The following PMS2 variants were observed in gnomAD, a reference collection of about 807,000 sequenced individuals.
The protein encoded by PMS2 is mismatch repair endonuclease PMS2.
PMS2 carries 69 observed loss-of-function variants against 90.0 expected under a neutral mutation model. The observed-to-expected ratio is 0.77, with a 90% CI of 0.63 to 0.94. PMS2 has a LOEUF of 0.94. Ranked by LOEUF, PMS2 falls within the 40% of genes least tolerant of loss-of-function variation. The pLI, the probability that PMS2 is intolerant of heterozygous loss-of-function variation, is 0.00. For missense variants in PMS2, 966 were observed against 1,040.2 expected, an observed-to-expected ratio of 0.93 and a Z score of 0.98; for synonymous variants, 332 against 375.1, an observed-to-expected ratio of 0.89 and a Z score of 1.33.
Position 5,973,228 on chromosome 7 carries a change from G to A in PMS2, c.*171C>T, listed in dbSNP as rs1467112353. The A allele has an allele frequency of 1.4e-5, 8 of 561,214 alleles. No individual in the cohort carries two copies. Among genetic ancestry groups the A allele is most frequent in the Non-Finnish European group, 2.6e-5 (8 of 307,876 alleles). The allele number at this position is 561,214 out of a possible 1,614,324, so 34.8% of individuals were successfully genotyped here. A position where few individuals can be genotyped will look rare whatever the true frequency, so the allele number is the denominator to read the frequency against. Reference sequence around the variant, plus strand: ...AAACATAGAGAAAAAAAATTTGCAAGCAATGCTCCATCTGGTTTGAAAAGG... The same window carrying A: ...AAACATAGAGAAAAAAAATTTGCAAACAATGCTCCATCTGGTTTGAAAAGG... On this transcript the variant is annotated 3_prime_UTR_variant, in exon 15 of 15. Coordinates refer to ENST00000265849, the MANE Select transcript of PMS2 (RefSeq NM_000535.7).
intron 13 of PMS2, 116 bp from the exon 14 acceptor site, chr7:5,977,873 A>G: frequency 6.7e-7 from 1 of 1,498,130 alleles, no homozygotes; most frequent in South Asian, 1.2e-5. Context: ...TAATCCCTGC[A>G]CTTTGGGAGG....
intron 7 of PMS2, among the ~76,000 whole-genome samples, chr7:5,996,465 G>C (rs1342899150): frequency 6.6e-6 from 1 of 151,732 alleles, no homozygotes. Flanking sequence ...TGAGGCAGGA[G>C]TATCGCTTGA....
At chr7:5,996,590 A>AATATATATAT (rs1554301106) in intron 7 of PMS2, among the ~76,000 whole-genome samples, 1 of 110,188 alleles carries the variant, frequency 9.1e-6, no homozygotes, top group Non-Finnish European at 1.7e-5. Flanking sequence ...AAAAAAAAAA[A>AATATATATAT]ATATATATAT....
At chr7:6,003,231 T>C (rs1248026602) in intron 4 of PMS2, 1 of 152,090 alleles carries the variant, frequency 6.6e-6, no homozygotes, top group Non-Finnish European at 1.5e-5. Context: ...AAGGCAGAGA[T>C]TGCAGTGAGC....
intron 3 of PMS2, 88 bp downstream of exon 3, chr7:6,003,883 GT>G: frequency 7.9e-7 from 1 of 1,267,708 alleles, no homozygotes; most frequent in Non-Finnish European, 1.2e-6. Flanking sequence ...TTAAAAAACT[GT>G]TTTTGCATTT....
At position 5,997,345 on chromosome 7, in the gene PMS2, C is replaced by A. The variant is rs779625900; in HGVS notation, c.784G>T (p.Ala262Ser). The A allele has an allele frequency of 3.8e-6, 6 of 1,566,542 alleles. No homozygotes were observed. The highest frequency in any genetic ancestry group is 1.4e-5 in the African/African-American group (1 of 73,674). Reference sequence around the variant, plus strand: ...ACTTACTAAAAAAGATTATGCAGAGCATCGGAACAGCTCAAACCGTACTCT... The same window carrying A: ...ACTTACTAAAAAAGATTATGCAGAGAATCGGAACAGCTCAAACCGTACTCT... Reference protein sequence around the residue: ...CEEYGLSCSDALHNLFYISGF... With the variant: ...CEEYGLSCSDSLHNLFYISGF... Residue 262 changes from alanine to serine, a missense_variant, in exon 7 of 15, where the codon GCT becomes TCT. Ala to Ser is a moderately conservative substitution (Grantham distance 99, BLOSUM62 1). This residue lies in a region of PMS2 where 871 missense variants were observed against 802.4 expected (regional missense o/e 1.09). Coordinates refer to ENST00000265849, the MANE Select transcript of PMS2 (RefSeq NM_000535.7).
At chr7:5,996,331 A>T (rs1355507346) in intron 7 of PMS2, among the ~76,000 whole-genome samples, 1 of 152,062 alleles carries the variant, frequency 6.6e-6, no homozygotes, top group African/African-American at 2.4e-5. Flanking sequence ...AGGTGGGTGG[A>T]TCACCTGAGG....
chr7:5,987,744 T>A, intron 10 of PMS2, 124 bp from the exon 11 acceptor site: 1 of 1,046,346 alleles, frequency 9.6e-7, no homozygotes, highest in East Asian at 2.3e-5. Context: ...ATGAACACAG[T>A]TCAATGTTCA....
At position 5,994,486 on chromosome 7, in the gene PMS2, T is replaced by C. The variant is rs115649412; in HGVS notation, c.903+1048A>G. Among the ~76,000 whole-genome samples the C allele has an allele frequency of 6.9e-3, 1,044 of 151,846 alleles. 12 individuals carry two copies. The highest frequency in any genetic ancestry group is 0.024 in the African/African-American group (989 of 41,420). On this transcript the variant is annotated intron_variant, in intron 8 of 14. Transcript: ENST00000265849. ...TGATAAACCCATAAGTTAAAAATAT[T>C]GTATCTGCTGGGCGCGGTGGCTCAC...
intron 7 of PMS2, among the ~76,000 whole-genome samples, chr7:5,996,588 A>ATATATAT (rs1554301127): frequency 1.1e-5 from 1 of 89,418 alleles, no homozygotes; most frequent in African/African-American, 6.9e-5. Context: ...AAAAAAAAAA[A>ATATATAT]AAATATATAT....
At chr7:5,982,720 C>T (rs1197021523) in intron 12 of PMS2, 104 bp downstream of exon 12, 17 of 1,542,552 alleles carry the variant, frequency 1.1e-5, no homozygotes, top group South Asian at 4.5e-5. Context: ...CTGTGTTGTC[C>T]GGGCTGGTCT....
intron 12 of PMS2, among the ~76,000 whole-genome samples, chr7:5,981,061 A>C (rs1782230812): frequency 6.6e-6 from 1 of 151,738 alleles, no homozygotes; most frequent in South Asian, 2.1e-4. Flanking sequence ...TCCCACACGA[A>C]AATCCATGAC....
chr7:6,005,306 G>A (rs1257792284), intron 2 of PMS2, among the ~76,000 whole-genome samples: 1 of 152,180 alleles, frequency 6.6e-6, no homozygotes, highest in Non-Finnish European at 1.5e-5. Context: ...TCGGCTTCAA[G>A]CAATTCTCGT....
chr7:5,992,407 C>G (rs906312481), intron 8 of PMS2, among the ~76,000 whole-genome samples: 5 of 151,786 alleles, frequency 3.3e-5, no homozygotes, highest in African/African-American at 1.2e-4. Flanking sequence ...GCAACCTCTG[C>G]CTCCGGGGCT....
In PMS2 at chr7:6,009,026, A is replaced by G. The variant is rs199660792; in HGVS notation, c.-7T>C. On this transcript the variant is annotated 5_prime_UTR_variant, in exon 1 of 15. Coordinates refer to ENST00000265849, the MANE Select transcript of PMS2 (RefSeq NM_000535.7). ...AGCTCTCAGCTCGCTCCATGGATGC[A>G]ACACCCGATCCGCCTCGGGGACTGG... The G allele has an allele frequency of 1.1e-4, 175 of 1,612,416 alleles. No homozygotes were observed. The highest frequency in any genetic ancestry group is 8.3e-5 in the Admixed American group (5 of 60,002).
At chr7:5,989,132 G>A (rs192582014) in intron 10 of PMS2, among the ~76,000 whole-genome samples, 180 of 152,288 alleles carry the variant, frequency 1.2e-3, no homozygotes, top group Non-Finnish European at 1.8e-3. Context: ...TTACAAGCAT[G>A]AGCCGCTGCG....
At chr7:5,983,384 C>CA (rs1413019161) in intron 11 of PMS2, among the ~76,000 whole-genome samples, 3 of 151,514 alleles carry the variant, frequency 2.0e-5, no homozygotes, top group Admixed American at 1.3e-4. Context: ...GCTGGGATTA[C>CA]AGGCGTGAGC....
Position 5,995,645 on chromosome 7 carries a change from T to C in PMS2, c.804-12A>G, listed in dbSNP as rs1221537446. 6.4e-7 allele frequency: 1 copy of C among 1,558,676 alleles called. No individual in the cohort carries two copies. Among genetic ancestry groups the C allele is most frequent in the Admixed American group, 1.7e-5 (1 of 59,930 alleles). On this transcript the variant is annotated splice_polypyrimidine_tract_variant and intron_variant, in intron 7 of 14. Coordinates refer to ENST00000265849, the MANE Select transcript of PMS2 (RefSeq NM_000535.7). ...TGAAACCTGAGATGCTATTCAACAT[T>C]AATATGGTAAGGGCAGGATTCCAGA... is the stretch of plus-strand genomic sequence containing the variant.
Position 5,986,863 on chromosome 7 carries a change from A to G in PMS2, c.1902T>C (p.His634=), listed in dbSNP as rs376335675. 12 of 1,613,958 alleles carry G rather than the reference A, an allele frequency of 7.4e-6. No individual in the cohort carries two copies. The highest frequency in any genetic ancestry group is 1.3e-5 in the African/African-American group (1 of 74,940). ...GTTCCCCTTCACTTTGCTGTGCTTCATGATGTAACTGCTTTATTCGTTTAG... is the reference window on the plus strand; with the variant it reads ...GTTCCCCTTCACTTTGCTGTGCTTCGTGATGTAACTGCTTTATTCGTTTAG... ...SLAKRIKQLH[H]EAQQSEGEQN... The change falls in exon 11 of 15, where the codon CAT becomes CAC. Residue 634 remains histidine, a synonymous_variant. Transcript: ENST00000265849.
Sources: gnomAD v4.1 joint callset for allele counts (sites outside exome capture counted in the v4.1 genomes callset) on GRCh38, gnomAD v4.1.1 for gene constraint, gnomAD v4.1.1 regional missense constraint, MANE v1.5 for transcripts, NCBI Gene and HGNC (gene_info 2026-07-23, HGNC 2026-07-21) for gene names.